PAX5: variants seen among roughly 807,000 people sequenced by gnomAD.
PAX5 encodes paired box 5, also known as paired box protein Pax-5.
A neutral mutation model predicts 43.7 loss-of-function variants in PAX5; 9 were observed. That is an observed-to-expected ratio of 0.21 (90% CI 0.12 to 0.36). The LOEUF (loss-of-function observed/expected upper bound fraction) is 0.36, where lower values mean the gene tolerates loss of function less well. Among genes scored for constraint, PAX5 ranks in the 10% least tolerant of loss-of-function variants. The pLI is 1.00. For synonymous variants in PAX5, 228 were observed against 214.3 expected (o/e 1.06, Z -0.56); for missense variants, 383 against 532.7 (o/e 0.72, Z 2.77).
chr9:36,919,023 C>T (rs1281988085), intron 7 of PAX5, among the ~76,000 whole-genome samples: 1 of 152,160 alleles, frequency 6.6e-6, no homozygotes, highest in Non-Finnish European at 1.5e-5. Context: ...TGCCTGGCTT[C>T]AAAAGCTTCA....
At chr9:36,988,368 T>C (rs892541804) in intron 5 of PAX5, among the ~76,000 whole-genome samples, 1 of 152,012 alleles carries the variant, frequency 6.6e-6, no homozygotes, top group African/African-American at 2.4e-5. Context: ...CTTAGTAATA[T>C]AAATAAAATG....
intron 6 of PAX5, among the ~76,000 whole-genome samples, chr9:36,948,745 G>A (rs1832758071): frequency 6.6e-6 from 1 of 151,702 alleles, no homozygotes; most frequent in Non-Finnish European, 1.5e-5. Context: ...AGGGCCTTCT[G>A]GTCTGTCTCT....
At chr9:37,003,329 G>C (rs1838105724) in intron 4 of PAX5, among the ~76,000 whole-genome samples, 1 of 152,014 alleles carries the variant, frequency 6.6e-6, no homozygotes, top group South Asian at 2.1e-4. Context: ...TTTTCTTGCT[G>C]CCTTTTCTCC....
At chr9:37,022,830 T>C (rs1437755140) in intron 1 of PAX5, among the ~76,000 whole-genome samples, 1 of 152,182 alleles carries the variant, frequency 6.6e-6, no homozygotes, top group African/African-American at 2.4e-5. Context: ...ATCTCATCTA[T>C]AGGTCCACAG....
intron 6 of PAX5, among the ~76,000 whole-genome samples, chr9:36,955,802 T>C (rs901154398): frequency 6.9e-5 from 8 of 116,540 alleles, no homozygotes; most frequent in Non-Finnish European, 1.3e-4. Flanking sequence ...TATATATATA[T>C]ACCCACACAC....
intron 4 of PAX5, among the ~76,000 whole-genome samples, chr9:37,003,688 T>C (rs1261085617): frequency 1.3e-5 from 2 of 151,904 alleles, no homozygotes; most frequent in Non-Finnish European, 2.9e-5. Flanking sequence ...TAAAAAAAAA[T>C]TAGCCAGGTG....
In PAX5 at chr9:36,881,984, C is replaced by T. The variant is rs762138776; in HGVS notation, c.1012+20G>A. The T allele has an allele frequency of 6.9e-6, 11 of 1,584,962 alleles. No individual in the cohort carries two copies. Among genetic ancestry groups the T allele is most frequent in the Admixed American group, 5.3e-5 (3 of 57,130 alleles). On this transcript the variant is annotated intron_variant, in intron 8 of 9. Coordinates refer to ENST00000358127, the MANE Select transcript of PAX5 (RefSeq NM_016734.3). ...CCCCGTCCGCTGCCTGCTGTGGAGA[C>T]GCCGACAGTGCAAACTCACCAGGCA... is the stretch of plus-strand genomic sequence containing the variant.
chr9:36,978,386 T>C (rs1835630829), intron 5 of PAX5, among the ~76,000 whole-genome samples: 1 of 152,100 alleles, frequency 6.6e-6, no homozygotes, highest in Admixed American at 6.5e-5. Flanking sequence ...TTAAATGAGA[T>C]CAAAGAATGT....
At chr9:36,927,512 G>A (rs1830739187) in intron 6 of PAX5, among the ~76,000 whole-genome samples, 1 of 152,146 alleles carries the variant, frequency 6.6e-6, no homozygotes, top group Non-Finnish European at 1.5e-5. Context: ...AGTTAGGTTT[G>A]GATCATCTTT....
chr9:36,919,887 GA>G (rs1463530332), intron 7 of PAX5, among the ~76,000 whole-genome samples: 1 of 147,216 alleles, frequency 6.8e-6, no homozygotes. Context: ...TGATTCATGG[GA>G]AAAGGTAAAA....
At chr9:36,935,867 C>T (rs1483283591) in intron 6 of PAX5, among the ~76,000 whole-genome samples, 7 of 152,234 alleles carry the variant, frequency 4.6e-5, no homozygotes, top group Non-Finnish European at 8.8e-5. Flanking sequence ...AGCTCCAGTT[C>T]CAACAGAGGT....
At chr9:36,927,334 A>T (rs1830721891) in intron 6 of PAX5, among the ~76,000 whole-genome samples, 2 of 152,172 alleles carry the variant, frequency 1.3e-5, no homozygotes, top group African/African-American at 4.8e-5. Context: ...TCCCCCAAGA[A>T]AGCAGAGCCA....
chr9:37,002,343 A>G (rs535575246), intron 5 of PAX5, among the ~76,000 whole-genome samples: 1 of 152,264 alleles, frequency 6.6e-6, no homozygotes, highest in East Asian at 1.9e-4. Context: ...CTGCACGCAC[A>G]CAGGGTCTTC....
rs1821447689 is a variant in PAX5 at position 36,833,841 on chromosome 9, TTTG to T, written c.*6716_*6718del. On this transcript the variant is annotated 3_prime_UTR_variant, in exon 10 of 10. Transcript: ENST00000358127. Reference sequence around the variant, plus strand: ...TTTCAAAGGCAATTCAATTGTGGTTTTTGTTGTTGGTTTTTTTGTATTTTTTTG... The same window carrying T: ...TTTCAAAGGCAATTCAATTGTGGTTTTTGTTGGTTTTTTTGTATTTTTTTG... 8.7e-6 allele frequency: 2 copies of T among 230,784 alleles called. No individual in the cohort carries two copies. Among genetic ancestry groups the T allele is most frequent in the African/African-American group, 2.2e-5 (1 of 44,740 alleles). The allele number at this position is 230,784 out of a possible 1,614,324, so 14.3% of individuals were successfully genotyped here.
intron 5 of PAX5, among the ~76,000 whole-genome samples, chr9:36,983,029 C>T (rs540782630): frequency 1.6e-4 from 25 of 152,202 alleles, no homozygotes; most frequent in African/African-American, 4.6e-4. Flanking sequence ...CAGTTCAGCA[C>T]GGTAAATAAT....
At chr9:36,883,195 C>T (rs1167657116) in intron 7 of PAX5, among the ~76,000 whole-genome samples, 5 of 152,148 alleles carry the variant, frequency 3.3e-5, no homozygotes, top group Admixed American at 1.3e-4. Flanking sequence ...CTTTCTTCAA[C>T]GGTGGGTTGC....
intron 4 of PAX5, among the ~76,000 whole-genome samples, chr9:37,005,216 C>T (rs1838290663): frequency 6.6e-6 from 1 of 152,242 alleles, no homozygotes; most frequent in Non-Finnish European, 1.5e-5. Context: ...GCCCCCACAG[C>T]ACCCATCCCT....
chr9:36,902,922 G>C (rs879576691), intron 7 of PAX5, among the ~76,000 whole-genome samples: 1 of 152,164 alleles, frequency 6.6e-6, no homozygotes, highest in Non-Finnish European at 1.5e-5. Context: ...GCTGCCCAGA[G>C]CCCTAAGTGC....
intron 8 of PAX5, among the ~76,000 whole-genome samples, chr9:36,863,241 CT>C (rs201858129): frequency 2.0e-5 from 3 of 152,150 alleles, no homozygotes; most frequent in Admixed American, 2.0e-4. Flanking sequence ...CGCCTGGGTT[CT>C]TTTTTTCAAT....
Sources: gnomAD v4.1 joint callset for allele counts (sites outside exome capture counted in the v4.1 genomes callset) on GRCh38, gnomAD v4.1.1 for gene constraint, MANE v1.5 for transcripts, NCBI Gene and HGNC (gene_info 2026-07-23, HGNC 2026-07-21) for gene names.